DNASE1: variants seen among roughly 807,000 people sequenced by gnomAD.
The protein encoded by DNASE1 is deoxyribonuclease 1, also known as deoxyribonuclease-1.
A neutral mutation model predicts 33.9 loss-of-function variants in DNASE1; 40 were observed. The ratio of observed to expected loss-of-function variants is 1.18; its 90% CI spans 0.92 to 1.54. DNASE1 has a LOEUF of 1.54. Ranked by LOEUF, DNASE1 falls within the 40% of genes most tolerant of loss-of-function variation. DNASE1 has a pLI of 0.00. For missense variants in DNASE1, 518 were observed against 372.6 expected, an observed-to-expected ratio of 1.39 and a Z score of -3.21; for synonymous variants, 216 against 160.0, an observed-to-expected ratio of 1.35 and a Z score of -2.64.
At chr16:3,662,885 C>T (rs1355733231), downstream of DNASE1, 3 of 1,613,554 alleles carry the variant, frequency 1.9e-6, no homozygotes, top group Admixed American at 1.7e-5. Flanking sequence ...GCCTCACCTT[C>T]ACGTTGGTGA....
At chr16:3,637,028 GCAGGAGAATCGCTTGAACC>G (rs2041888556) in intron 1 of DNASE1, among the ~76,000 whole-genome samples, 2 of 152,082 alleles carry the variant, frequency 1.3e-5, no homozygotes, top group South Asian at 4.1e-4. Context: ...GGAGGCTGAG[GCAGGAGAATCGCTTGAACC>G]CAGGAGGCAG....
chr16:3,642,630 A>G (rs1373057847), upstream of DNASE1, among the ~76,000 whole-genome samples: 1 of 152,170 alleles, frequency 6.6e-6, no homozygotes, highest in Non-Finnish European at 1.5e-5. Context: ...GGAGAGGGTA[A>G]CTACAGTGTG....
chr16:3,628,923 G>A (rs150437569), intron 1 of DNASE1, among the ~76,000 whole-genome samples: 8,919 of 145,448 alleles, frequency 0.061, 291 homozygotes, highest in Admixed American at 0.076. Flanking sequence ...GGTAATCCCA[G>A]CACTTTGGGA....
chr16:3,628,838 C>A (rs566777808), intron 1 of DNASE1, among the ~76,000 whole-genome samples: 2 of 143,982 alleles, frequency 1.4e-5, no homozygotes, highest in South Asian at 4.6e-4. Flanking sequence ...GGATTACAGG[C>A]GTGAGCCACC....
chr16:3,618,742 C>T (rs1188212027), intron 1 of DNASE1, among the ~76,000 whole-genome samples: 1 of 152,162 alleles, frequency 6.6e-6, no homozygotes, highest in Non-Finnish European at 1.5e-5. Context: ...AGAAGAAATG[C>T]TCAAACAAAA....
rs540173465 is a variant in DNASE1, at chr16:3,649,121, G to A, written c.-85-5840G>A. On this transcript the variant is annotated intron_variant, in intron 1 of 9. Transcript: ENST00000407479. ...TGTTTTGGCAAGAACTCTCCTAAGT[G>A]CTGCTGTGTGTGGTCTTGGATTAGA... Among the ~76,000 whole-genome samples the A allele has an allele frequency of 6.6e-5, 10 of 152,310 alleles. No homozygotes were observed. The South Asian group carries it at 1.7e-3, about 25-fold the overall frequency.
At chr16:3,658,700 G>C, downstream of DNASE1, 1 of 1,223,206 alleles carries the variant, frequency 8.2e-7, no homozygotes. Flanking sequence ...CAAAAAGACA[G>C]GATTTTAGAG....
intron 1 of DNASE1, among the ~76,000 whole-genome samples, chr16:3,634,696 G>T (rs377134910): frequency 5.3e-5 from 8 of 150,368 alleles, no homozygotes; most frequent in African/African-American, 2.0e-4. Context: ...TTAATTTCTA[G>T]TAGAGACAGG....
chr16:3,618,566 C>T (rs748063990), intron 1 of DNASE1, among the ~76,000 whole-genome samples: 1 of 152,176 alleles, frequency 6.6e-6, no homozygotes, highest in Non-Finnish European at 1.5e-5. Context: ...CCCGTCTCTA[C>T]TAAAACTATA....
At chr16:3,626,725 C>T (rs1334368191) in intron 1 of DNASE1, among the ~76,000 whole-genome samples, 1 of 152,116 alleles carries the variant, frequency 6.6e-6, no homozygotes, top group Non-Finnish European at 1.5e-5. Flanking sequence ...GTCTCCAGCT[C>T]TGATAGTGGA....
At chr16:3,638,624 CA>C (rs1304605760), upstream of DNASE1, among the ~76,000 whole-genome samples, 1 of 152,240 alleles carries the variant, frequency 6.6e-6, no homozygotes, top group Non-Finnish European at 1.5e-5. Context: ...AGGCGTGAGC[CA>C]CCACGCCCGG....
chr16:3,613,576 G>A (rs899450281), intron 1 of DNASE1, among the ~76,000 whole-genome samples: 3 of 152,192 alleles, frequency 2.0e-5, no homozygotes, highest in South Asian at 4.1e-4. Context: ...CTCTGGCTTG[G>A]AAATCTAAGT....
intron 1 of DNASE1, among the ~76,000 whole-genome samples, chr16:3,631,168 G>A (rs948271850): frequency 3.3e-5 from 5 of 151,888 alleles, no homozygotes; most frequent in Admixed American, 2.6e-4. Context: ...GACTACAGGC[G>A]CATGCCATCA....
chr16:3,630,317 G>C (rs2041657950), intron 1 of DNASE1, among the ~76,000 whole-genome samples: 1 of 152,110 alleles, frequency 6.6e-6, no homozygotes, highest in Non-Finnish European at 1.5e-5. Flanking sequence ...AAGTAGCTGG[G>C]ACCACAGGCA....
Position 3,657,192 on chromosome 16 carries a change from C to T in DNASE1, c.555C>T (p.Val185=). 2 of 1,614,096 alleles carry T rather than the reference C, an allele frequency of 1.2e-6. No individual in the cohort carries two copies. The highest frequency in any genetic ancestry group is 2.2e-5 in the South Asian group (2 of 91,086). ...DVQEKWGLED[V]MLMGDFNAGC... is the part of the protein sequence containing the mutation. ...CAGGCAGCGTTTCCTGGTAGGACGT[C>T]ATGTTGATGGGCGACTTCAATGCGG... is the stretch of plus-strand genomic sequence containing the variant. Residue 185 remains valine (V), a synonymous_variant, in exon 7 of 9, where the codon GTC becomes GTT. Transcript: ENST00000246949.
At chr16:3,658,367 C>A, downstream of DNASE1, 2 of 684,678 alleles carry the variant, frequency 2.9e-6, no homozygotes, top group Non-Finnish European at 4.9e-6. Flanking sequence ...CTCAGGTGAT[C>A]CCCCCGCCTC....
chr16:3,658,397 G>A, downstream of DNASE1: 1 of 641,830 alleles, frequency 1.6e-6, no homozygotes, highest in South Asian at 2.0e-5. Flanking sequence ...TGGGATTACA[G>A]GCGTGAGCCA....
chr16:3,659,002 ATCATTTATAGAT>A (rs1434521739), downstream of DNASE1: 11 of 814,376 alleles, frequency 1.4e-5, no homozygotes, highest in Non-Finnish European at 2.2e-5. Context: ...TATGTTAATG[ATCATTTATAGAT>A]AATATCATTA....
downstream of DNASE1, chr16:3,658,964 A>C (rs1351362938): frequency 1.6e-6 from 2 of 1,215,568 alleles, no homozygotes; most frequent in African/African-American, 3.0e-5. Flanking sequence ...GAAGCACAGT[A>C]AGACTGTCTG....
Sources: allele counts gnomAD v4.1 joint callset (sites outside exome capture counted in the v4.1 genomes callset), GRCh38; gene constraint gnomAD v4.1.1; transcripts MANE v1.5; gene names NCBI Gene and HGNC (gene_info 2026-07-23, HGNC 2026-07-21).